MSS51: variants seen among roughly 807,000 people sequenced by gnomAD.
MSS51 encodes the protein MSS51 mitochondrial translational activator, also known as putative protein MSS51 homolog, mitochondrial.
Under a neutral mutation model 40.2 loss-of-function variants are expected in MSS51, and 32 were observed. The ratio of observed to expected loss-of-function variants is 0.80; its 90% confidence interval spans 0.60 to 1.07. MSS51 has a LOEUF of 1.07. Among genes scored for constraint, MSS51 ranks in the 50% least tolerant of loss-of-function variants. The pLI is 0.00. For synonymous variants in MSS51, 178 were observed against 214.2 expected (o/e 0.83, Z 1.48); for missense variants, 518 against 568.9 (o/e 0.91, Z 0.91).
intron 1 of MSS51, 108 bp from the exon 2 acceptor site, chr10:73,428,409 C>CT: frequency 1.2e-6 from 1 of 817,432 alleles, no homozygotes; most frequent in East Asian, 2.7e-5. Context: ...TCTCTCAGAC[C>CT]CAGGTTATCA....
rs776671658 is a variant in MSS51, at chr10:73,424,755, G to A, written c.1181C>T (p.Ser394Phe). 6.2e-6 allele frequency: 10 copies of A among 1,613,500 alleles called. No individual in the cohort carries two copies. The highest frequency in any genetic ancestry group is 1.7e-5 in the Admixed American group (1 of 59,980). Residue 394 changes from serine to phenylalanine, a missense_variant, in exon 7 of 7, where the codon TCC becomes TTC. By Grantham distance (155) the Ser-to-Phe change is radical. Transcript: ENST00000299432. Reference sequence around the variant, plus strand: ...CAGTTCCACCAGAATCTGCAAAGAGGATACCAACTCCTGATGGCTGTAGAA... The same window carrying A: ...CAGTTCCACCAGAATCTGCAAAGAGAATACCAACTCCTGATGGCTGTAGAA... The part of the protein sequence containing the change: ...ITVYSHQELV[S>F]SLQILVELDT...
chr10:73,427,081 A>G (rs77792322), intron 3 of MSS51, among the ~76,000 whole-genome samples: 3 of 138,878 alleles, frequency 2.2e-5, no homozygotes, highest in Non-Finnish European at 3.0e-5. Flanking sequence ...TTGAGTACTC[A>G]AGAGAGAGAC....
In MSS51 at chr10:73,428,136, A is replaced by T; in HGVS notation, c.149T>A (p.Leu50Ter). The T allele has an allele frequency of 6.2e-7, 1 of 1,614,088 alleles. No individual in the cohort carries two copies. The highest frequency in any genetic ancestry group is 1.1e-5 in the South Asian group (1 of 91,086). ...PSIDTLGFFS[L>*]DDNVPGLSQL... ...CGATAGGCCAGGAACATTATCATCCAAGGAGAAGAAGCCAAGTGTGTCAAT... is the reference window on the plus strand; with the variant it reads ...CGATAGGCCAGGAACATTATCATCCTAGGAGAAGAAGCCAAGTGTGTCAAT... Residue 50 changes from leucine (L) to a stop codon, truncating the protein, a stop_gained, in exon 2 of 7, where the codon TTG (leucine) becomes TAG (stop). Transcript: ENST00000299432. LOFTEE classifies it high-confidence loss of function.
At chr10:73,426,806 C>A in intron 3 of MSS51, 75 bp from the exon 4 acceptor site, 1 of 1,541,120 alleles carries the variant, frequency 6.5e-7, no homozygotes. Flanking sequence ...AACTGATATT[C>A]CTGCACCTAG....
chr10:73,433,000 T>C (rs2056040294), intron 1 of MSS51, among the ~76,000 whole-genome samples: 2 of 152,082 alleles, frequency 1.3e-5, no homozygotes, highest in Non-Finnish European at 2.9e-5. Flanking sequence ...AGAAAGGGAA[T>C]CCCTTTCATT....
In MSS51 at chr10:73,428,159, A is replaced by C; in HGVS notation, c.126T>G (p.Ile42Met). The change falls in exon 2 of 7, where the codon ATT (isoleucine) becomes ATG (methionine). Residue 42 changes from isoleucine (I) to methionine (M), a missense_variant. Transcript: ENST00000299432. ...PLTPSKPGPSIDTLGFFSLDD... is the reference protein window; with the variant it reads ...PLTPSKPGPSMDTLGFFSLDD... ...CCAAGGAGAAGAAGCCAAGTGTGTC[A>C]ATGCTAGGGCCAGGTTTTGAGGGGG... 6.2e-7 allele frequency: 1 copy of C among 1,614,118 alleles called. No homozygotes were observed.
chr10:73,426,807 C>A, intron 3 of MSS51, 76 bp from the exon 4 acceptor site: 1 of 1,538,984 alleles, frequency 6.5e-7, no homozygotes, highest in Middle Eastern at 1.8e-4. Flanking sequence ...ACTGATATTC[C>A]TGCACCTAGG....
chr10:73,423,939 C>G lies in MSS51; in HGVS notation c.*614G>C, dbSNP rs2055962164. 1 of 152,292 alleles carries G rather than the reference C, an allele frequency of 6.6e-6. No individual in the cohort carries two copies. Among genetic ancestry groups the G allele is most frequent in the Non-Finnish European group, 1.5e-5 (1 of 68,114 alleles). The allele number at this position is 152,292 out of a possible 1,614,324, so 9.4% of individuals were successfully genotyped here. On this transcript the variant is annotated 3_prime_UTR_variant, in exon 7 of 7. Transcript: ENST00000299432. ...TGGTTCTCATTCTTTTTCTCAGTGC[C>G]ATCTGGTTCCAGTCAAAAGGTAAAC...
chr10:73,431,827 T>C (rs553610572), intron 1 of MSS51, among the ~76,000 whole-genome samples: 3 of 152,292 alleles, frequency 2.0e-5, no homozygotes, highest in Admixed American at 6.5e-5. Flanking sequence ...CTAATGATAT[T>C]AGATTATCTT....
Position 73,425,123 on chromosome 10 carries a change from T to C in MSS51, c.1138A>G (p.Ile380Val). The C allele has an allele frequency of 6.2e-7, 1 of 1,612,412 alleles. No individual in the cohort carries two copies. Among genetic ancestry groups the C allele is most frequent in the Non-Finnish European group, 8.5e-7 (1 of 1,179,434 alleles). The change falls in exon 6 of 7, where the codon ATT (isoleucine) becomes GTT (valine). Residue 380 changes from isoleucine to valine, a missense_variant. By Grantham distance (29) the Ile-to-Val change is conservative. Coordinates refer to ENST00000299432, the MANE Select transcript of MSS51 (RefSeq NM_001024593.2). ...PTLLLLRDYK[I>V]PTLITVYSHQ... The stretch of plus-strand genomic sequence containing the variant: ...CTGTAAACAGTAATCAATGTAGGAA[T>C]CTTATAGTCACGAAGTAGCAGCAGG...
intron 1 of MSS51, among the ~76,000 whole-genome samples, chr10:73,432,629 A>G (rs140043074): frequency 2.6e-5 from 4 of 152,172 alleles, no homozygotes; most frequent in Admixed American, 6.5e-5. Flanking sequence ...AGGATCACAC[A>G]GTTTGAGGAA....
At position 73,425,853 on chromosome 10, in the gene MSS51, C is replaced by T. The variant is rs147690063; in HGVS notation, c.1027G>A (p.Gly343Arg). Residue 343 changes from glycine (G) to arginine (R), a missense_variant, in exon 5 of 7, where the codon GGG (glycine) becomes AGG (arginine). Physicochemically the swap from Gly to Arg is moderately radical, Grantham distance 125. Coordinates refer to ENST00000299432, the MANE Select transcript of MSS51 (RefSeq NM_001024593.2). ...ACCAAATCTGGATGGTGTGTCTGCCCGGTCTCTACTTGCTCCTCCCAGAAG... is the reference window on the plus strand; with the variant it reads ...ACCAAATCTGGATGGTGTGTCTGCCTGGTCTCTACTTGCTCCTCCCAGAAG... ...HDFWEEQVETGQTHHPDLVAA... is the reference protein window; with the variant it reads ...HDFWEEQVETRQTHHPDLVAA... The T allele has an allele frequency of 3.4e-4, 542 of 1,613,992 alleles. 1 individual carries two copies. The highest frequency in any genetic ancestry group is 2.0e-3 in the African/African-American group (150 of 74,996).
In MSS51 at chr10:73,426,651, C is replaced by T. The variant is rs199736636; in HGVS notation, c.458G>A (p.Arg153His). ...CATGAGACGGTCCACAGCCACAAGACGAAGCTCTTGACAAACCCTCCTGTG... is the reference window on the plus strand; with the variant it reads ...CATGAGACGGTCCACAGCCACAAGATGAAGCTCTTGACAAACCCTCCTGTG... ...PAHRRVCQEL[R>H]LVAVDRLMEW... Residue 153 changes from arginine (R) to histidine (H), a missense_variant, in exon 4 of 7, where the codon CGT becomes CAT. By Grantham distance (29) the Arg-to-His change is conservative. Transcript: ENST00000299432. 2 of 1,614,200 alleles carry T rather than the reference C, an allele frequency of 1.2e-6. No individual in the cohort carries two copies. The highest frequency in any genetic ancestry group is 1.7e-5 in the Admixed American group (1 of 60,038).
Position 73,424,422 on chromosome 10 carries a change from G to A in MSS51, c.*131C>T. 1 of 717,982 alleles carries A rather than the reference G, an allele frequency of 1.4e-6. No individual in the cohort carries two copies. The highest frequency in any genetic ancestry group is 2.6e-5 in the East Asian group (1 of 38,252). The allele number at this position is 717,982 out of a possible 1,614,324, so 44.5% of individuals were successfully genotyped here. On this transcript the variant is annotated 3_prime_UTR_variant, in exon 7 of 7. Transcript: ENST00000299432. ...TATGTTATACAGAAACTCTCATTCA[G>A]CTTAGAATTTTTACCCAAACAGTAA... is the stretch of plus-strand genomic sequence containing the variant.
Position 73,427,272 on chromosome 10 carries a change from CTTTTTTT to C in MSS51, c.377+334_377+340del, listed in dbSNP as rs1163470061. Among the ~76,000 whole-genome samples, 6 of 86,092 alleles carry C rather than the reference CTTTTTTT, an allele frequency of 7.0e-5. No individual in the cohort carries two copies. The South Asian group carries it at 1.2e-3, about 17-fold the overall frequency. 56.5% of individuals were successfully genotyped at this position (86,092 alleles called of 152,430 possible). A position where few individuals can be genotyped will look rare whatever the true frequency, so the allele number is the denominator to read the frequency against. ...ATGAGGTTGTAGTAGAAGGTCATTG[CTTTTTTT>C]TTTTTTTTTTTTTTTTTGAGACAGA... On this transcript the variant is annotated intron_variant, in intron 3 of 6. Transcript: ENST00000299432.
intron 3 of MSS51, 123 bp from the exon 4 acceptor site, chr10:73,426,854 G>C (rs2297452): frequency 0.11 from 123,816 of 1,133,956 alleles, 12,884 homozygotes; most frequent in African/African-American, 0.45. Context: ...AGAGGAATGA[G>C]AGCTGATGCA....
chr10:73,424,874 T>C (rs762589161), intron 6 of MSS51, 102 bp from the exon 7 acceptor site: 153 of 1,021,608 alleles, frequency 1.5e-4, no homozygotes, highest in Admixed American at 2.9e-4. Context: ...ATCCCCCAAA[T>C]TGCCTAAGGC....
Position 73,426,138 on chromosome 10 carries a change from G to A in MSS51, c.742C>T (p.Leu248=). The A allele has an allele frequency of 6.2e-7, 1 of 1,614,208 alleles. No homozygotes were observed. The highest frequency in any genetic ancestry group is 8.5e-7 in the Non-Finnish European group (1 of 1,180,034). The change falls in exon 5 of 7, where the codon CTA becomes TTA. Residue 248 remains leucine (L), a synonymous_variant. Coordinates refer to ENST00000299432, the MANE Select transcript of MSS51 (RefSeq NM_001024593.2). The part of the protein sequence containing the change: ...DVLSRPLTLG[L]GLRALGIDVR... ...TCTATCCCCAAGGCCCTAAGTCCTA[G>A]GCCTAGAGTCAAGGGCCGTGACAGG...
At chr10:73,431,226 C>A (rs943941605) in intron 1 of MSS51, among the ~76,000 whole-genome samples, 1 of 151,934 alleles carries the variant, frequency 6.6e-6, no homozygotes, top group African/African-American at 2.4e-5. Flanking sequence ...TGAACAATAC[C>A]GTGAATACAC....
Sources: allele counts gnomAD v4.1 joint callset (sites outside exome capture counted in the v4.1 genomes callset), GRCh38; gene constraint gnomAD v4.1.1; transcripts MANE v1.5; gene names NCBI Gene and HGNC (gene_info 2026-07-23, HGNC 2026-07-21).